MED13L: variants seen among roughly 807,000 people sequenced by gnomAD.
MED13L encodes mediator complex subunit 13L, also known as mediator of RNA polymerase II transcription subunit 13-like.
A neutral mutation model predicts 220.9 loss-of-function variants in MED13L; 7 were observed. That is an observed-to-expected ratio of 0.03 (90% CI 0.02 to 0.06). The LOEUF (loss-of-function observed/expected upper bound fraction) is 0.06, where lower values mean the gene tolerates loss of function less well. Among genes scored for constraint, MED13L ranks in the 10% least tolerant of loss-of-function variants. The pLI, the probability that MED13L is intolerant of heterozygous loss-of-function variation, is 1.00. For missense variants in MED13L, 1,965 were observed against 2,760.5 expected (o/e 0.71, Z 6.46); for synonymous variants, 1,011 against 1,015.2 (o/e 1.00, Z 0.08).
chr12:116,139,970 CAAAAAAA>C lies in MED13L; in HGVS notation c.311-28465_311-28459del, dbSNP rs36124478. On this transcript the variant is annotated intron_variant, in intron 2 of 30. Transcript: ENST00000281928. ...GGGCAACAAAACCAAAACTCCATCT[CAAAAAAA>C]AAAAAAAAAAAAAAATTGCTGGATA... Among the ~76,000 whole-genome samples, 98 of 63,884 alleles carry C rather than the reference CAAAAAAA, an allele frequency of 1.5e-3. 1 individual carries two copies. In the East Asian group the frequency reaches 0.016, roughly 10 times the overall value. 41.9% of individuals were successfully genotyped at this position (63,884 alleles called of 152,430 possible).
intron 3 of MED13L, among the ~76,000 whole-genome samples, chr12:116,111,151 T>C (rs1874043288): frequency 6.6e-6 from 1 of 152,118 alleles, no homozygotes; most frequent in Non-Finnish European, 1.5e-5. Flanking sequence ...AGAACATCAA[T>C]CTTGAGTTTA....
intron 1 of MED13L, among the ~76,000 whole-genome samples, chr12:116,267,919 T>C (rs540937647): frequency 6.6e-5 from 10 of 152,244 alleles, no homozygotes; most frequent in South Asian, 4.1e-4. Flanking sequence ...CTAGAATTCA[T>C]CTAAAATATT....
intron 23 of MED13L, among the ~76,000 whole-genome samples, chr12:115,977,093 C>T (rs1431340809): frequency 6.6e-6 from 1 of 152,188 alleles, no homozygotes; most frequent in Non-Finnish European, 1.5e-5. Flanking sequence ...GTCGAGGCTG[C>T]AGTGACCCAG....
intron 1 of MED13L, among the ~76,000 whole-genome samples, chr12:116,271,014 C>A (rs1406543853): frequency 1.5e-5 from 2 of 130,846 alleles, no homozygotes; most frequent in African/African-American, 5.8e-5. Flanking sequence ...TGCACTCCAG[C>A]CTGGTGACAG....
At chr12:116,156,640 T>C (rs1014658416) in intron 2 of MED13L, among the ~76,000 whole-genome samples, 1 of 152,154 alleles carries the variant, frequency 6.6e-6, no homozygotes, top group Non-Finnish European at 1.5e-5. Flanking sequence ...AGAAGAGGTT[T>C]TATGTACCTT....
At chr12:116,267,605 C>T (rs1486555225) in intron 1 of MED13L, among the ~76,000 whole-genome samples, 1 of 152,202 alleles carries the variant, frequency 6.6e-6, no homozygotes, top group Non-Finnish European at 1.5e-5. Context: ...AGAACTATTA[C>T]GTGATCATAC....
At position 116,141,238 on chromosome 12, in the gene MED13L, C is replaced by T. The variant is rs138527301; in HGVS notation, c.311-29726G>A. Among the ~76,000 whole-genome samples the T allele has an allele frequency of 3.5e-3, 533 of 152,222 alleles. 5 individuals are homozygous for T. Among genetic ancestry groups the T allele is most frequent in the Non-Finnish European group, 5.5e-3 (374 of 68,016 alleles). On this transcript the variant is annotated intron_variant, in intron 2 of 30. Coordinates refer to ENST00000281928, the MANE Select transcript of MED13L (RefSeq NM_015335.5). ...AATTAATCTGTTAACATTCTGTATT[C>T]AAACCAATATTAAAGCTATGCATAA...
chr12:116,073,890 T>C (rs1025774025), intron 4 of MED13L, among the ~76,000 whole-genome samples: 1 of 152,178 alleles, frequency 6.6e-6, no homozygotes, highest in Non-Finnish European at 1.5e-5. Flanking sequence ...TCTGAATGCA[T>C]GAAATTAACT....
chr12:116,208,333 T>C (rs958892386), intron 2 of MED13L, among the ~76,000 whole-genome samples: 7 of 151,930 alleles, frequency 4.6e-5, no homozygotes, highest in African/African-American at 7.2e-5. Flanking sequence ...GAGGTGGAGG[T>C]TGCAGTGAGC....
In MED13L at chr12:115,979,101, C is replaced by T. The variant is rs575830839; in HGVS notation, c.5364+1649G>A. ...CTGAGGCAGAGGCAGCATTGACCAA[C>T]TAACCATTACCTTAATGCAGATTAA... On this transcript the variant is annotated intron_variant, in intron 23 of 30. Coordinates refer to ENST00000281928, the MANE Select transcript of MED13L (RefSeq NM_015335.5). Among the ~76,000 whole-genome samples the T allele has an allele frequency of 2.0e-5, 3 of 152,334 alleles. No individual in the cohort carries two copies. In the South Asian group the frequency reaches 6.2e-4, roughly 32 times the overall value.
chr12:116,047,411 T>G (rs932732923), intron 4 of MED13L, among the ~76,000 whole-genome samples: 1 of 152,252 alleles, frequency 6.6e-6, no homozygotes, highest in African/African-American at 2.4e-5. Context: ...TTGTACAGAT[T>G]TATTGAAGAA....
intron 2 of MED13L, among the ~76,000 whole-genome samples, chr12:116,199,309 T>G (rs1218184651): frequency 6.6e-6 from 1 of 152,234 alleles, no homozygotes. Flanking sequence ...TTTAAGAGAC[T>G]ATGTAAACCC....
chr12:116,178,019 CTTTT>C (rs918803340), intron 2 of MED13L, among the ~76,000 whole-genome samples: 4 of 152,160 alleles, frequency 2.6e-5, no homozygotes, highest in Non-Finnish European at 4.4e-5. Context: ...CAATACCCCG[CTTTT>C]TTGTTTGCTT....
intron 3 of MED13L, among the ~76,000 whole-genome samples, chr12:116,108,184 T>C (rs1054196087): frequency 1.3e-5 from 2 of 151,594 alleles, no homozygotes; most frequent in African/African-American, 4.8e-5. Context: ...TGAATAGAAA[T>C]GAAAAGGCAT....
At chr12:116,149,689 A>C (rs1043274517) in intron 2 of MED13L, among the ~76,000 whole-genome samples, 2 of 152,220 alleles carry the variant, frequency 1.3e-5, no homozygotes, top group Non-Finnish European at 2.9e-5. Flanking sequence ...GTAAACAGGG[A>C]GATTAAGGAA....
chr12:115,975,090 T>C, intron 25 of MED13L, 81 bp downstream of exon 25: 4 of 1,385,756 alleles, frequency 2.9e-6, no homozygotes, highest in Non-Finnish European at 2.0e-6. Flanking sequence ...ATTTAAACAT[T>C]TTCTCCCTTA....
At chr12:116,080,036 T>TA (rs1486948147) in intron 4 of MED13L, among the ~76,000 whole-genome samples, 2 of 151,938 alleles carry the variant, frequency 1.3e-5, no homozygotes, top group Non-Finnish European at 2.9e-5. Context: ...TTTTTTTTTT[T>TA]AGCTCATTAG....
At chr12:116,251,545 G>A (rs1267914580) in intron 1 of MED13L, among the ~76,000 whole-genome samples, 2 of 149,158 alleles carry the variant, frequency 1.3e-5, no homozygotes, top group African/African-American at 4.9e-5. Flanking sequence ...ATATCACGAG[G>A]TCAGGAGATC....
intron 8 of MED13L, 86 bp downstream of exon 8, chr12:116,015,023 A>G (rs1879639165): frequency 3.0e-6 from 4 of 1,349,724 alleles, no homozygotes; most frequent in South Asian, 1.2e-5. Context: ...TGGTCACACA[A>G]TAGTGCAATG....
Sources: gnomAD v4.1 joint callset for allele counts (sites outside exome capture counted in the v4.1 genomes callset) on GRCh38, gnomAD v4.1.1 for gene constraint, MANE v1.5 for transcripts, NCBI Gene and HGNC (gene_info 2026-07-23, HGNC 2026-07-21) for gene names.